The following CNTN5 variants were observed in gnomAD, a reference collection of about 807,000 sequenced individuals.
CNTN5 encodes the protein contactin-5.
Under a neutral mutation model 129.1 loss-of-function variants are expected in CNTN5, and 77 were observed. The ratio of observed to expected loss-of-function variants is 0.60; its 90% CI spans 0.50 to 0.72. The LOEUF (loss-of-function observed/expected upper bound fraction) is 0.72. CNTN5 is among the 30% of genes least tolerant of loss of function. The pLI is 0.00. For synonymous variants in CNTN5, 509 were observed against 465.6 expected (o/e 1.09, Z -1.20); for missense variants, 1,478 against 1,328.8 (o/e 1.11, Z -1.75).
At chr11:99,969,900 C>A (rs1031895150) in intron 8 of CNTN5, among the ~76,000 whole-genome samples, 1 of 152,118 alleles carries the variant, frequency 6.6e-6, no homozygotes, top group Admixed American at 6.6e-5. Context: ...ACTCCTCACC[C>A]CCATGATATT....
intron 1 of CNTN5, among the ~76,000 whole-genome samples, chr11:99,208,193 C>G (rs1031758): frequency 0.99 from 150,986 of 152,288 alleles, 74,850 homozygotes; most frequent in East Asian, 1. Context: ...TAAGAGTTAA[C>G]TGCATGCAAT....
intron 8 of CNTN5, among the ~76,000 whole-genome samples, chr11:100,000,958 G>A (rs749470734): frequency 5.3e-5 from 8 of 152,130 alleles, no homozygotes; most frequent in African/African-American, 9.7e-5. Flanking sequence ...GAGGCTGCAC[G>A]GAGAAGTGGG....
chr11:99,467,062 A>G (rs887734437), intron 2 of CNTN5, among the ~76,000 whole-genome samples: 2 of 152,200 alleles, frequency 1.3e-5, no homozygotes, highest in Non-Finnish European at 2.9e-5. Flanking sequence ...TCACTTGAGT[A>G]ATACTTTGAC....
intron 3 of CNTN5, among the ~76,000 whole-genome samples, chr11:99,637,210 T>G (rs1951595865): frequency 6.6e-6 from 1 of 151,448 alleles, no homozygotes; most frequent in Non-Finnish European, 1.5e-5. Context: ...AGCAAAATTT[T>G]AGAAACAACT....
intron 1 of CNTN5, among the ~76,000 whole-genome samples, chr11:99,247,663 C>T (rs1861883186): frequency 6.6e-6 from 1 of 151,926 alleles, no homozygotes; most frequent in Non-Finnish European, 1.5e-5. Flanking sequence ...TTCCTGTGTC[C>T]ATGTGTTCTC....
intron 1 of CNTN5, among the ~76,000 whole-genome samples, chr11:99,297,803 A>G (rs1244809770): frequency 6.6e-6 from 1 of 152,160 alleles, no homozygotes. Flanking sequence ...AATCCCTGGG[A>G]ATTTTCAAAA....
At chr11:100,173,986 C>A (rs1290437948) in intron 13 of CNTN5, among the ~76,000 whole-genome samples, 3 of 152,216 alleles carry the variant, frequency 2.0e-5, no homozygotes, top group African/African-American at 7.2e-5. Context: ...ATTGTCAATA[C>A]TGAACTAGAG....
chr11:100,033,911 T>C (rs939622521), intron 9 of CNTN5, among the ~76,000 whole-genome samples: 2 of 152,148 alleles, frequency 1.3e-5, no homozygotes, highest in Non-Finnish European at 2.9e-5. Flanking sequence ...TAACTTCAGA[T>C]CTATAAACTT....
At chr11:99,980,223 C>A (rs185545996) in intron 8 of CNTN5, among the ~76,000 whole-genome samples, 2 of 152,158 alleles carry the variant, frequency 1.3e-5, no homozygotes, top group Admixed American at 1.3e-4. Flanking sequence ...ATTTAAAAAT[C>A]CAATTACCAG....
chr11:99,549,932 T>G (rs1419896736), intron 2 of CNTN5, among the ~76,000 whole-genome samples: 1 of 152,186 alleles, frequency 6.6e-6, no homozygotes, highest in African/African-American at 2.4e-5. Context: ...ACTCTTATAT[T>G]TTAAATAAAA....
intron 2 of CNTN5, among the ~76,000 whole-genome samples, chr11:99,463,105 C>T (rs1944782150): frequency 3.9e-5 from 1 of 25,572 alleles, no homozygotes; most frequent in Admixed American, 5.3e-4. Flanking sequence ...AAGACTCCAT[C>T]TCAAAATAAA....
At chr11:99,116,266 A>G (rs1245410589) in intron 1 of CNTN5, among the ~76,000 whole-genome samples, 1 of 152,150 alleles carries the variant, frequency 6.6e-6, no homozygotes, top group Non-Finnish European at 1.5e-5. Context: ...ATTTTCCACA[A>G]TAATATTTTA....
chr11:99,286,750 T>A (rs1863956200), intron 1 of CNTN5, among the ~76,000 whole-genome samples: 1 of 151,830 alleles, frequency 6.6e-6, no homozygotes, highest in Non-Finnish European at 1.5e-5. Flanking sequence ...GATTTATAGA[T>A]TCAAGCAAAC....
At chr11:99,164,065 T>C (rs970946906) in intron 1 of CNTN5, among the ~76,000 whole-genome samples, 4 of 152,292 alleles carry the variant, frequency 2.6e-5, no homozygotes, top group African/African-American at 4.8e-5. Flanking sequence ...CAGTGGCTCA[T>C]GCCTGTAATC....
At chr11:99,888,317 T>C (rs1948953881) in intron 6 of CNTN5, among the ~76,000 whole-genome samples, 1 of 152,204 alleles carries the variant, frequency 6.6e-6, no homozygotes, top group Non-Finnish European at 1.5e-5. Context: ...ATGTAAAGAA[T>C]ATATATTTTA....
At chr11:99,709,976 T>C (rs1423182532) in intron 3 of CNTN5, among the ~76,000 whole-genome samples, 2 of 151,922 alleles carry the variant, frequency 1.3e-5, no homozygotes, top group African/African-American at 2.4e-5. Context: ...CTGCATAAGC[T>C]GTGTCTTTAC....
At chr11:100,337,325 C>A in intron 21 of CNTN5, 1 of 932,032 alleles carries the variant, frequency 1.1e-6, no homozygotes, top group Non-Finnish European at 1.8e-6. Context: ...GTTCACCATA[C>A]ATATTCTGGA....
intron 3 of CNTN5, among the ~76,000 whole-genome samples, chr11:99,662,927 T>C (rs1034468020): frequency 6.6e-6 from 1 of 152,216 alleles, no homozygotes; most frequent in East Asian, 1.9e-4. Context: ...AGTAGAAATG[T>C]TGTTTCCTGA....
intron 9 of CNTN5, among the ~76,000 whole-genome samples, chr11:100,003,640 G>A (rs1318614323): frequency 6.6e-6 from 1 of 152,138 alleles, no homozygotes; most frequent in African/African-American, 2.4e-5. Flanking sequence ...GTTAGATGTG[G>A]TTGCCTTTGG....
Sources: allele counts gnomAD v4.1 joint callset (sites outside exome capture counted in the v4.1 genomes callset), GRCh38; gene constraint gnomAD v4.1.1; transcripts MANE v1.5; gene names NCBI Gene and HGNC (gene_info 2026-07-23, HGNC 2026-07-21).